The following PLB1 variants were observed in gnomAD, a reference collection of about 807,000 sequenced individuals.
PLB1 encodes phospholipase B1.
In PLB1, 242 loss-of-function variants were observed where a neutral mutation model predicts 227.4. That is an observed-to-expected ratio of 1.06 (90% CI 0.96 to 1.18). The LOEUF (loss-of-function observed/expected upper bound fraction) is 1.18. PLB1 is among the 50% of genes most tolerant of loss of function. The probability of loss-of-function intolerance (pLI) is 0.00; values close to 1 mark genes in which losing one functional copy is unlikely to be tolerated. For synonymous variants in PLB1, 757 were observed against 682.2 expected (o/e 1.11, Z -1.71); for missense variants, 1,858 against 1,816.3 (o/e 1.02, Z -0.42).
At chr2:28,615,654 T>C (rs901724119) in intron 44 of PLB1, among the ~76,000 whole-genome samples, 6 of 152,216 alleles carry the variant, frequency 3.9e-5, no homozygotes, top group African/African-American at 1.2e-4. Flanking sequence ...TCCCTGAGAA[T>C]TGAAATGTCA....
intron 57 of PLB1, 105 bp downstream of exon 57, chr2:28,641,106 C>T (rs753804755): frequency 1.6e-5 from 17 of 1,042,250 alleles, no homozygotes; most frequent in Admixed American, 5.7e-5. Context: ...CCCTCAAATG[C>T]GGCTTCACTC....
chr2:28,628,725 C>A (rs1688167530), intron 52 of PLB1, 97 bp downstream of exon 52: 1 of 1,247,574 alleles, frequency 8.0e-7, no homozygotes. Flanking sequence ...GGAGCAGAGA[C>A]CCGCCATGAG....
chr2:28,565,157 C>A, intron 18 of PLB1, 123 bp from the exon 19 acceptor site: 1 of 763,088 alleles, frequency 1.3e-6, no homozygotes, highest in Non-Finnish European at 2.2e-6. Flanking sequence ...CATCTAGACC[C>A]TAGATCCCAG....
At chr2:28,610,783 C>T (rs1319191298) in intron 43 of PLB1, among the ~76,000 whole-genome samples, 4 of 152,148 alleles carry the variant, frequency 2.6e-5, no homozygotes, top group African/African-American at 9.7e-5. Context: ...ACGTTGCTGA[C>T]TCACATCAGG....
chr2:28,608,538 A>C (rs1458467317), intron 43 of PLB1, among the ~76,000 whole-genome samples: 3 of 152,182 alleles, frequency 2.0e-5, no homozygotes, highest in Non-Finnish European at 4.4e-5. Flanking sequence ...GGGTGACTTA[A>C]CAGCACGCCA....
chr2:28,568,185 TA>T (rs1282692897), intron 20 of PLB1, among the ~76,000 whole-genome samples: 6 of 152,258 alleles, frequency 3.9e-5, no homozygotes, highest in Non-Finnish European at 1.5e-5. Flanking sequence ...ACATGAGCTA[TA>T]AATCAGTTCC....
chr2:28,537,511 T>G (rs998680655), intron 9 of PLB1, among the ~76,000 whole-genome samples: 5 of 151,860 alleles, frequency 3.3e-5, no homozygotes, highest in African/African-American at 1.2e-4. Flanking sequence ...GCCAACATGG[T>G]GAAACCCTGT....
At chr2:28,530,592 G>A (rs1204466138) in intron 8 of PLB1, among the ~76,000 whole-genome samples, 2 of 152,184 alleles carry the variant, frequency 1.3e-5, no homozygotes, top group African/African-American at 2.4e-5. Context: ...CTAACAGTTC[G>A]TATACTATTT....
At chr2:28,543,416 G>A in intron 14 of PLB1, 148 bp downstream of exon 14, 1 of 825,404 alleles carries the variant, frequency 1.2e-6, no homozygotes, top group Non-Finnish European at 1.8e-6. Context: ...CTGTCTCCCG[G>A]TGACGCCCCT....
chr2:28,636,065 A>ATGTGTATGTG (rs1244008391), intron 56 of PLB1, among the ~76,000 whole-genome samples: 1 of 102,836 alleles, frequency 9.7e-6, no homozygotes, highest in Admixed American at 1.1e-4. Flanking sequence ...GTGTGTATGT[A>ATGTGTATGTG]TGTATGTATG....
intron 14 of PLB1, 42 bp from the exon 15 acceptor site, chr2:28,548,818 T>C (rs770932617): frequency 2.5e-6 from 4 of 1,600,882 alleles, no homozygotes; most frequent in South Asian, 1.1e-5. Context: ...GGCTGCTACC[T>C]GCACAAAACT....
In PLB1 at chr2:28,621,927, A is replaced by G. The variant is rs139780538; in HGVS notation, c.3527+949A>G. Among the ~76,000 whole-genome samples the G allele has an allele frequency of 2.4e-3, 367 of 152,126 alleles. 5 individuals carry two copies. In the East Asian group the frequency reaches 0.026, roughly 11 times the overall value. On this transcript the variant is annotated intron_variant, in intron 49 of 57. Transcript: ENST00000327757. ...TTCATTTTCCAGGAGGTGATTTCTC[A>G]CTCTGTTGACAATCAAGCCCCTTCT...
chr2:28,636,045 GTATGTGTA>G (rs1558975804), intron 56 of PLB1, among the ~76,000 whole-genome samples: 15 of 105,532 alleles, frequency 1.4e-4, no homozygotes, highest in Admixed American at 1.2e-3. Context: ...GTGTGTGTAT[GTATGTGTA>G]TGTGTGTATG....
In PLB1 at chr2:28,638,917, T is replaced by C. The variant is rs185520053; in HGVS notation, c.4099-2010T>C. The stretch of plus-strand genomic sequence containing the variant: ...GTCTCTACTGAAAATACAAAAATTA[T>C]CCAGGCGTGGTGGCATGCACCTGTA... On this transcript the variant is annotated intron_variant, in intron 56 of 57. Transcript: ENST00000327757. 5.2e-3 allele frequency among the ~76,000 whole-genome samples: 776 copies of C among 149,288 alleles called. 7 individuals carry two copies. The highest frequency in any genetic ancestry group is 0.018 in the African/African-American group (741 of 40,502).
chr2:28,518,517 A>G lies in PLB1; in HGVS notation c.169A>G (p.Met57Val), dbSNP rs959725914. The change falls in exon 3 of 58, where the codon ATG becomes GTG. Residue 57 changes from methionine (M) to valine (V), a missense_variant. Met to Val is a conservative substitution (Grantham distance 21). Transcript: ENST00000327757. ...CAACCCAAATAAATTAGGAGTGAAT[A>G]TGCCTTCTAAATCAGGTATGTAACC... Reference protein sequence around the residue: ...PCNPNKLGVNMPSKSVHSLKP... With the variant: ...PCNPNKLGVNVPSKSVHSLKP... The G allele has an allele frequency of 3.1e-6, 5 of 1,612,242 alleles. No homozygotes were observed. The African/African-American group carries it at 5.3e-5, about 17-fold the overall frequency.
intron 2 of PLB1, among the ~76,000 whole-genome samples, chr2:28,518,172 G>A (rs968663539): frequency 2.1e-4 from 32 of 152,240 alleles, no homozygotes; most frequent in African/African-American, 6.7e-4. Context: ...ATGAGCCACC[G>A]TGCCCAGCCC....
At chr2:28,554,008 G>A (rs1674635461) in intron 17 of PLB1, among the ~76,000 whole-genome samples, 3 of 152,114 alleles carry the variant, frequency 2.0e-5, no homozygotes. Context: ...CACATGGCTG[G>A]CAGGAAAGTT....
At chr2:28,525,584 A>C (rs4666084) in intron 5 of PLB1, among the ~76,000 whole-genome samples, 147,487 of 152,230 alleles carry the variant, frequency 0.97, 71,520 homozygotes, top group East Asian at 1. Flanking sequence ...CACAAGCTCT[A>C]CTTGCTCTGC....
intron 22 of PLB1, among the ~76,000 whole-genome samples, chr2:28,578,387 G>T (rs543134895): frequency 6.6e-6 from 1 of 152,324 alleles, no homozygotes; most frequent in South Asian, 2.1e-4. Context: ...ATGCACAAAA[G>T]AATACAACAC....
Sources: gnomAD v4.1 joint callset for allele counts (sites outside exome capture counted in the v4.1 genomes callset) on GRCh38, gnomAD v4.1.1 for gene constraint, MANE v1.5 for transcripts, NCBI Gene and HGNC (gene_info 2026-07-23, HGNC 2026-07-21) for gene names.